THSD7B: variants seen among roughly 807,000 people sequenced by gnomAD.
The protein encoded by THSD7B is thrombospondin type 1 domain containing 7B.
A neutral mutation model predicts 213.6 loss-of-function variants in THSD7B; 138 were observed. The observed-to-expected ratio is 0.65, with a 90% CI of 0.56 to 0.74. The LOEUF is 0.74. THSD7B is among the 30% of genes least tolerant of loss of function. The pLI is 0.00. For missense variants in THSD7B, 1,931 were observed against 1,991.5 expected, an observed-to-expected ratio of 0.97 and a Z score of 0.58; for synonymous variants, 742 against 687.0, an observed-to-expected ratio of 1.08 and a Z score of -1.25.
chr2:137,507,774 T>C (rs1296383083), intron 15 of THSD7B, among the ~76,000 whole-genome samples: 1 of 152,140 alleles, frequency 6.6e-6, no homozygotes, highest in African/African-American at 2.4e-5. Context: ...TTCATTAATC[T>C]TTGCTTTTGT....
intron 12 of THSD7B, among the ~76,000 whole-genome samples, chr2:137,300,413 G>T (rs902185831): frequency 5.9e-5 from 9 of 152,022 alleles, no homozygotes; most frequent in African/African-American, 1.7e-4. Context: ...TGTATGATGT[G>T]CCATCTCCAT....
At chr2:137,538,620 A>G in intron 15 of THSD7B, 1 of 383,144 alleles carries the variant, frequency 2.6e-6, no homozygotes, top group Non-Finnish European at 5.1e-6. Context: ...TTCACATATG[A>G]CAGAAAAAAA....
chr2:137,423,437 C>G (rs919603874), intron 14 of THSD7B, among the ~76,000 whole-genome samples: 12 of 151,996 alleles, frequency 7.9e-5, no homozygotes, highest in African/African-American at 2.9e-4. Context: ...AAGAATTTAG[C>G]AGGTTTGCAG....
At chr2:136,899,236 T>C (rs1573698117) in intron 2 of THSD7B, among the ~76,000 whole-genome samples, 1 of 152,220 alleles carries the variant, frequency 6.6e-6, no homozygotes, top group East Asian at 1.9e-4. Context: ...CCTTGTAGGC[T>C]ATGTCGAGTG....
At chr2:137,586,456 T>C (rs866000618) in intron 17 of THSD7B, among the ~76,000 whole-genome samples, 42 of 152,240 alleles carry the variant, frequency 2.8e-4, no homozygotes, top group African/African-American at 8.9e-4. Context: ...TTTGGCATGT[T>C]TGTGCAGTGG....
intron 14 of THSD7B, among the ~76,000 whole-genome samples, chr2:137,441,449 C>T (rs186053122): frequency 6.6e-6 from 1 of 152,210 alleles, no homozygotes; most frequent in Non-Finnish European, 1.5e-5. Flanking sequence ...TGGTCTCTCT[C>T]CTGCCAAGAT....
intron 2 of THSD7B, among the ~76,000 whole-genome samples, chr2:137,044,642 ACAGAT>A (rs1669262876): frequency 6.6e-6 from 1 of 152,228 alleles, no homozygotes; most frequent in South Asian, 2.1e-4. Context: ...CCATAATAAA[ACAGAT>A]CAGTTATAGT....
chr2:136,976,867 C>G (rs911702982), intron 2 of THSD7B, among the ~76,000 whole-genome samples: 1 of 151,952 alleles, frequency 6.6e-6, no homozygotes, highest in African/African-American at 2.4e-5. Flanking sequence ...GTGATCCACC[C>G]GCCTCGGCCT....
chr2:137,301,817 G>T (rs908056660), intron 12 of THSD7B, among the ~76,000 whole-genome samples: 2 of 152,022 alleles, frequency 1.3e-5, no homozygotes, highest in Non-Finnish European at 2.9e-5. Context: ...AGTGAGACAA[G>T]AGGCCAAAAA....
chr2:137,363,972 C>G (rs1295548876), intron 12 of THSD7B, among the ~76,000 whole-genome samples: 3 of 152,202 alleles, frequency 2.0e-5, no homozygotes, highest in African/African-American at 4.8e-5. Flanking sequence ...CCCTGATGAA[C>G]TTTGATGTGA....
intron 12 of THSD7B, among the ~76,000 whole-genome samples, chr2:137,280,472 G>T (rs1485186372): frequency 6.6e-6 from 1 of 152,112 alleles, no homozygotes; most frequent in Non-Finnish European, 1.5e-5. Flanking sequence ...TGCATTTGTT[G>T]CTGACCTGTT....
rs547890862 is a variant in THSD7B at position 137,110,779 on chromosome 2, G to A, written c.1200-4345G>A. On this transcript the variant is annotated intron_variant, in intron 4 of 27. Transcript: ENST00000409968. ...CATGCACTCCATAACATTTCTGTCA[G>A]TGGTGGGCCATGGACTGCATATACG... Among the ~76,000 whole-genome samples the A allele has an allele frequency of 5.3e-5, 8 of 152,266 alleles. No individual in the cohort carries two copies. In the South Asian group the frequency reaches 1.7e-3, roughly 32 times the overall value.
At position 137,657,004 on chromosome 2, in the gene THSD7B, T is replaced by A. The variant is rs763675016; in HGVS notation, c.4279+35T>A. ...GCACTTTTCAGTTCTTTAGCCTTCA[T>A]TGATCAATGCTTATTCTAAGTGAGG... On this transcript the variant is annotated intron_variant, in intron 23 of 27. Transcript: ENST00000409968. 28 of 1,613,370 alleles carry A rather than the reference T, an allele frequency of 1.7e-5. No homozygotes were observed. The Admixed American group carries it at 4.3e-4, about 25-fold the overall frequency.
intron 2 of THSD7B, among the ~76,000 whole-genome samples, chr2:136,968,512 A>G (rs1685355034): frequency 6.6e-6 from 1 of 152,004 alleles, no homozygotes; most frequent in Non-Finnish European, 1.5e-5. Context: ...TCTTGGGATG[A>G]CTGCTGCACT....
At chr2:137,515,700 G>A (rs1036573437) in intron 15 of THSD7B, among the ~76,000 whole-genome samples, 2 of 152,026 alleles carry the variant, frequency 1.3e-5, no homozygotes, top group African/African-American at 4.8e-5. Context: ...AGCTCAGGGA[G>A]TTAAAAAAGT....
intron 7 of THSD7B, among the ~76,000 whole-genome samples, chr2:137,212,707 C>G (rs77457777): frequency 0.012 from 1,775 of 152,022 alleles, 27 homozygotes; most frequent in African/African-American, 0.041. Flanking sequence ...CAGAAATTCA[C>G]TGCTTAAGGC....
chr2:137,426,737 T>C lies in THSD7B; in HGVS notation c.2959+14865T>C, dbSNP rs529004942. Reference sequence around the variant, plus strand: ...ATAAGGGAAACATTCATGACATTGGTCTTGACAATGATATTTTGGATATGA... The same window carrying C: ...ATAAGGGAAACATTCATGACATTGGCCTTGACAATGATATTTTGGATATGA... On this transcript the variant is annotated intron_variant, in intron 14 of 27. Transcript: ENST00000409968. Among the ~76,000 whole-genome samples the C allele has an allele frequency of 1.6e-3, 246 of 152,290 alleles. 1 individual carries two copies. The highest frequency in any genetic ancestry group is 5.9e-3 in the Admixed American group (90 of 15,298).
intron 16 of THSD7B, among the ~76,000 whole-genome samples, chr2:137,564,543 G>A (rs928561718): frequency 6.6e-6 from 1 of 152,114 alleles, no homozygotes; most frequent in African/African-American, 2.4e-5. Flanking sequence ...TCTGTCTCCT[G>A]TGTCTTATTC....
intron 1 of THSD7B, among the ~76,000 whole-genome samples, chr2:136,820,853 G>C (rs1259217788): frequency 2.6e-5 from 4 of 152,070 alleles, no homozygotes; most frequent in African/African-American, 9.7e-5. Context: ...AAATATACCA[G>C]TATCTGTATC....
Sources: gnomAD v4.1 joint callset for allele counts (sites outside exome capture counted in the v4.1 genomes callset) on GRCh38, gnomAD v4.1.1 for gene constraint, MANE v1.5 for transcripts, NCBI Gene and HGNC (gene_info 2026-07-23, HGNC 2026-07-21) for gene names.